TRPM2: variants seen among roughly 807,000 people sequenced by gnomAD.
TRPM2 encodes estrogen-responsive element-associated gene 1 protein.
TRPM2 carries 161 observed loss-of-function variants against 174.0 expected under a neutral mutation model. The ratio of observed to expected loss-of-function variants is 0.93; its 90% CI spans 0.81 to 1.05. TRPM2 has a LOEUF of 1.05. Ranked by LOEUF, TRPM2 falls within the 50% of genes least tolerant of loss-of-function variation. The probability of loss-of-function intolerance (pLI) is 0.00; values close to 1 mark genes in which losing one functional copy is unlikely to be tolerated. For synonymous variants in TRPM2, 954 were observed against 861.3 expected, an observed-to-expected ratio of 1.11 and a Z score of -1.88; for missense variants, 2,057 against 2,038.0, an observed-to-expected ratio of 1.01 and a Z score of -0.18.
rs749832969 is a variant in TRPM2, at chr21:44,406,666, A to G, written c.2863A>G (p.Ile955Val). Residue 955 changes from isoleucine to valine, a missense_variant, in exon 19 of 32, where the codon ATC (isoleucine) becomes GTC (valine). Physicochemically the swap from Ile to Val is conservative, Grantham distance 29. Transcript: ENST00000397928. ...GTCCTTCGGGGTGGCCAAGCAGGCCATCCTCATCCACAACGAGCGCCGGGT... is the reference window on the plus strand; with the variant it reads ...GTCCTTCGGGGTGGCCAAGCAGGCCGTCCTCATCCACAACGAGCGCCGGGT... ...VVSFGVAKQAILIHNERRVDW... is the reference protein window; with the variant it reads ...VVSFGVAKQAVLIHNERRVDW... 30 of 1,610,666 alleles carry G rather than the reference A, an allele frequency of 1.9e-5. No individual in the cohort carries two copies. Among genetic ancestry groups the G allele is most frequent in the Middle Eastern group, 1.8e-4 (1 of 5,484 alleles).
At position 44,405,981 on chromosome 21, in the gene TRPM2, C is replaced by A; in HGVS notation, c.2734C>A (p.His912Asn). 1.2e-6 allele frequency: 2 copies of A among 1,608,990 alleles called. No individual in the cohort carries two copies. The highest frequency in any genetic ancestry group is 1.3e-5 in the African/African-American group (1 of 75,040). The change falls in exon 18 of 32, where the codon CAC becomes AAC. Residue 912 changes from histidine to asparagine, a missense_variant. Coordinates refer to ENST00000397928, the MANE Select transcript of TRPM2 (RefSeq NM_003307.4). ...CATCCTGTTCTGCCTCCGGCTCATG[C>A]ACATTTTTACCATCAGTAAGACGCT... is the stretch of plus-strand genomic sequence containing the variant. ...DFILFCLRLM[H>N]IFTISKTLGP... is the part of the protein sequence containing the mutation.
intron 11 of TRPM2, 152 bp from the exon 12 acceptor site, chr21:44,395,262 G>C: frequency 2.3e-6 from 2 of 888,528 alleles, no homozygotes; most frequent in Non-Finnish European, 3.3e-6. Flanking sequence ...ATGATCTAGG[G>C]TGTTGCTGAA....
chr21:44,366,260 G>A lies in TRPM2; in HGVS notation c.424-494G>A, dbSNP rs1427170561. Among the ~76,000 whole-genome samples, 1 of 86,468 alleles carries A rather than the reference G, an allele frequency of 1.2e-5. No homozygotes were observed. The highest frequency in any genetic ancestry group is 2.4e-5 in the Non-Finnish European group (1 of 41,502). 56.7% of individuals were successfully genotyped at this position (86,468 alleles called of 152,430 possible). A position where few individuals can be genotyped will look rare whatever the true frequency, so the allele number is the denominator to read the frequency against. On this transcript the variant is annotated intron_variant, in intron 3 of 31. Transcript: ENST00000397928. This position sits in a 1 kb window ranked among gnomAD's most constrained non-coding sequence, Gnocchi z 6.0. ...CACAGAGCAGAGGGGATAGGGCAGA[G>A]GGGACAGGAGAGGGGACAGGAGAGG...
chr21:44,412,441 C>A (rs998589235), intron 19 of TRPM2, among the ~76,000 whole-genome samples: 1 of 151,864 alleles, frequency 6.6e-6, no homozygotes, highest in Non-Finnish European at 1.5e-5. Context: ...GTAGTAATAT[C>A]CTCTCTTTCA....
Position 44,440,789 on chromosome 21 carries a change from G to A in TRPM2, c.4270G>A (p.Val1424Met), listed in dbSNP as rs369715794. Residue 1424 changes from valine (V) to methionine (M), a missense_variant and splice_region_variant, in exon 31 of 32, where the codon GTG (valine) becomes ATG (methionine). Physicochemically the swap from Val to Met is conservative, Grantham distance 21. Coordinates refer to ENST00000397928, the MANE Select transcript of TRPM2 (RefSeq NM_003307.4). Reference sequence around the variant, plus strand: ...GGCTTACCCTGCCCTGCCCATCCAGGTGTACAAAGGCTACATGGATGACCC... The same window carrying A: ...GGCTTACCCTGCCCTGCCCATCCAGATGTACAAAGGCTACATGGATGACCC... ...FENLLKCGME[V>M]YKGYMDDPRN... 2.7e-5 allele frequency: 44 copies of A among 1,613,400 alleles called. 2 individuals are homozygous for A. The South Asian group carries it at 4.6e-4, about 17-fold the overall frequency.
At chr21:44,407,441 A>G (rs545230744) in intron 19 of TRPM2, among the ~76,000 whole-genome samples, 28 of 127,562 alleles carry the variant, frequency 2.2e-4, no homozygotes, top group African/African-American at 7.5e-4. Flanking sequence ...AACACTTTTC[A>G]TATAGAAGGT....
intron 28 of TRPM2, among the ~76,000 whole-genome samples, chr21:44,436,710 C>T (rs45582632): frequency 0.019 from 2,950 of 151,388 alleles, 102 homozygotes; most frequent in African/African-American, 0.067. Flanking sequence ...AGGCACTCAG[C>T]ACCCCACATC....
intron 20 of TRPM2, among the ~76,000 whole-genome samples, chr21:44,414,340 G>A (rs1486490040): frequency 2.6e-5 from 4 of 152,262 alleles, no homozygotes; most frequent in Admixed American, 2.0e-4. Flanking sequence ...GGATCCACAA[G>A]GGCCCTGCTC....
rs45456297 is a variant in TRPM2 at position 44,427,888 on chromosome 21, G to T, written c.3974+777G>T. Among the ~76,000 whole-genome samples, 1,228 of 152,232 alleles carry T rather than the reference G, an allele frequency of 8.1e-3. 17 individuals carry two copies. Among genetic ancestry groups the T allele is most frequent in the African/African-American group, 0.028 (1,181 of 41,516 alleles). On this transcript the variant is annotated intron_variant, in intron 27 of 31. Transcript: ENST00000397928. ...AGGTGGCTGCAGCTGCAGGCGGCCC[G>T]CTCTGGTGTTGGGGGTATGTGGGAC... is the stretch of plus-strand genomic sequence containing the variant.
Position 44,442,396 on chromosome 21 carries a change from C to T in TRPM2, c.*579C>T, listed in dbSNP as rs924938245. On this transcript the variant is annotated 3_prime_UTR_variant, in exon 32 of 32. Coordinates refer to ENST00000397928, the MANE Select transcript of TRPM2 (RefSeq NM_003307.4). ...TACAGGAGCCCAGACAAAGCCCAGGCCTGTCAAGAGACGCAGAGGGCCCCT... is the reference window on the plus strand; with the variant it reads ...TACAGGAGCCCAGACAAAGCCCAGGTCTGTCAAGAGACGCAGAGGGCCCCT... 2.6e-5 allele frequency: 4 copies of T among 152,258 alleles called. No individual in the cohort carries two copies. Among genetic ancestry groups the T allele is most frequent in the Non-Finnish European group, 5.9e-5 (4 of 68,074 alleles). 9.4% of individuals were successfully genotyped at this position (152,258 alleles called of 1,614,324 possible). A position where few individuals can be genotyped will look rare whatever the true frequency, so the allele number is the denominator to read the frequency against.
chr21:44,441,541 T>C, intron 31 of TRPM2, 151 bp from the exon 32 acceptor site: 1 of 1,112,762 alleles, frequency 9.0e-7, no homozygotes, highest in South Asian at 2.6e-5. Context: ...GCATCTCTGG[T>C]GCACCTGACG....
Position 44,375,847 on chromosome 21 carries a change from C to T in TRPM2, c.786C>T (p.Ala262=), listed in dbSNP as rs765468795. Residue 262 remains alanine, a synonymous_variant, in exon 6 of 32, where the codon GCC becomes GCT. Coordinates refer to ENST00000397928, the MANE Select transcript of TRPM2 (RefSeq NM_003307.4). ...GGCCATCCCAGGGCAGCTTCCCCGC[C>T]GAGTACATACTGGATGAGGATGGCC... The part of the protein sequence containing the change: ...GLIHPTGSFP[A]EYILDEDGQG... 87 of 1,613,076 alleles carry T rather than the reference C, an allele frequency of 5.4e-5. No homozygotes were observed. The highest frequency in any genetic ancestry group is 8.3e-5 in the Admixed American group (5 of 59,978).
chr21:44,429,278 C>CTTTTTTTTTTTTTTTTT (rs35708355), intron 27 of TRPM2, among the ~76,000 whole-genome samples: 4 of 44,194 alleles, frequency 9.1e-5, no homozygotes, highest in Admixed American at 6.3e-4. Context: ...TTTTCTTTTT[C>CTTTTTTTTTTTTTTTTT]TTTTTTTTTT....
At chr21:44,404,585 C>T (rs115519334) in intron 16 of TRPM2, among the ~76,000 whole-genome samples, 304 of 152,242 alleles carry the variant, frequency 2.0e-3, no homozygotes, top group African/African-American at 5.3e-3. Context: ...AACCAATGTT[C>T]GGATTTGCTG....
chr21:44,366,831 C>T lies in TRPM2; in HGVS notation c.501C>T (p.Pro167=). 1 of 1,613,954 alleles carries T rather than the reference C, an allele frequency of 6.2e-7. No individual in the cohort carries two copies. The highest frequency in any genetic ancestry group is 8.5e-7 in the Non-Finnish European group (1 of 1,179,974). ...CCCAGCACTGGGGGCTGGACGTCCC[C>T]AATCTCTTGATCTCGGTGACCGGGG... ...LMTQHWGLDV[P]NLLISVTGGA... The change falls in exon 4 of 32, where the codon CCC becomes CCT. Residue 167 remains proline (P), a synonymous_variant. Coordinates refer to ENST00000397928, the MANE Select transcript of TRPM2 (RefSeq NM_003307.4). This position sits in a 1 kb window ranked among gnomAD's most constrained non-coding sequence, Gnocchi z 6.0.
chr21:44,351,794 A>G (rs2047929844), upstream of TRPM2, among the ~76,000 whole-genome samples: 1 of 152,176 alleles, frequency 6.6e-6, no homozygotes. Flanking sequence ...CCTCCTGCAA[A>G]GTCGGGTGGT....
At chr21:44,386,392 C>T (rs2146225074) in intron 9 of TRPM2, among the ~76,000 whole-genome samples, 1 of 151,896 alleles carries the variant, frequency 6.6e-6, no homozygotes, top group East Asian at 1.9e-4. Context: ...TGGGTGACAG[C>T]AAGACTCCGT....
At chr21:44,361,221 C>T (rs1248858576) in intron 2 of TRPM2, among the ~76,000 whole-genome samples, 2 of 152,120 alleles carry the variant, frequency 1.3e-5, no homozygotes, top group East Asian at 1.9e-4. Context: ...CTGCAACCTC[C>T]GCCTCCCGGC....
At chr21:44,415,443 G>A (rs2050248618) in intron 20 of TRPM2, 1 of 152,296 alleles carries the variant, frequency 6.6e-6, no homozygotes, top group African/African-American at 2.4e-5. Flanking sequence ...GGCGGGAGGG[G>A]AGAGCCTCAG....
Sources: gnomAD v4.1 joint callset for allele counts (sites outside exome capture counted in the v4.1 genomes callset) on GRCh38, gnomAD v4.1.1 for gene constraint, Gnocchi (gnomAD v3.1) non-coding constraint, MANE v1.5 for transcripts, NCBI Gene and HGNC (gene_info 2026-07-23, HGNC 2026-07-21) for gene names.